Variants in LINGO2 observed in about 807,000 individuals in gnomAD.
LINGO2 encodes leucine rich repeat and Ig domain containing 2, also known as leucine-rich repeat and immunoglobulin-like domain-containing nogo receptor-interacting protein 2.
A neutral mutation model predicts 30.6 loss-of-function variants in LINGO2; 14 were observed. That is an observed-to-expected ratio of 0.46 (90% CI 0.30 to 0.72). LINGO2 has a LOEUF of 0.72. LINGO2 is among the 30% of genes least tolerant of loss of function. The probability of loss-of-function intolerance (pLI) is 0.07; values close to 1 mark genes in which losing one functional copy is unlikely to be tolerated. For synonymous variants in LINGO2, 317 were observed against 288.5 expected (o/e 1.10, Z -1.00); for missense variants, 729 against 751.7 (o/e 0.97, Z 0.35).
the LINGO2 span, among the ~76,000 whole-genome samples, chr9:29,143,518 T>C: frequency 1.2e-4 from 18 of 152,122 alleles, no homozygotes; most frequent in East Asian, 2.5e-3. Flanking sequence ...ACATATATAA[T>C]GAAATACTCT....
chr9:28,582,754 C>A (rs773444052), intron 1 of LINGO2, among the ~76,000 whole-genome samples: 2 of 152,056 alleles, frequency 1.3e-5, no homozygotes, highest in Non-Finnish European at 2.9e-5. Context: ...CTCTCCTTTA[C>A]AGTCAATGAA....
chr9:28,639,204 T>G (rs908823223), intron 1 of LINGO2, among the ~76,000 whole-genome samples: 5 of 152,178 alleles, frequency 3.3e-5, no homozygotes, highest in African/African-American at 9.7e-5. Context: ...ATAATTTCTG[T>G]TCTTTTACAT....
chr9:28,178,946 T>C (rs750679870), intron 4 of LINGO2, among the ~76,000 whole-genome samples: 11 of 152,124 alleles, frequency 7.2e-5, no homozygotes, highest in Non-Finnish European at 1.6e-4. Context: ...CATTGGGTTA[T>C]ATCAGGTTTC....
intron 1 of LINGO2, among the ~76,000 whole-genome samples, chr9:28,660,097 C>A (rs1181078128): frequency 1.3e-5 from 2 of 151,916 alleles, no homozygotes; most frequent in African/African-American, 2.4e-5. Context: ...TGTAATGGAA[C>A]AAAAATATAT....
the LINGO2 span, among the ~76,000 whole-genome samples, chr9:28,992,355 A>T: frequency 6.6e-6 from 1 of 152,080 alleles, no homozygotes; most frequent in African/African-American, 2.4e-5. Context: ...GGAGCACCCA[A>T]ATTCATAAAG....
chr9:28,157,424 C>T (rs568998447), intron 4 of LINGO2, among the ~76,000 whole-genome samples: 62 of 152,246 alleles, frequency 4.1e-4, no homozygotes, highest in African/African-American at 1.5e-3. Context: ...CTGGGCCTGG[C>T]CCACAAAACC....
intron 5 of LINGO2, among the ~76,000 whole-genome samples, chr9:27,952,338 A>G (rs1212441491): frequency 1.3e-5 from 2 of 151,978 alleles, no homozygotes; most frequent in Admixed American, 1.3e-4. Context: ...AATCAAAATA[A>G]CTAAAAGAGA....
chr9:28,321,949 AT>A (rs1364637503), intron 3 of LINGO2, among the ~76,000 whole-genome samples: 8 of 152,308 alleles, frequency 5.3e-5, no homozygotes, highest in African/African-American at 1.9e-4. Flanking sequence ...ATTTTGATGC[AT>A]ATTTTTATAC....
chr9:28,672,994 G>T (rs1829080038), upstream of LINGO2, among the ~76,000 whole-genome samples: 1 of 152,060 alleles, frequency 6.6e-6, no homozygotes, highest in Non-Finnish European at 1.5e-5. Flanking sequence ...AGTATTAAAA[G>T]GAGACTATTT....
At chr9:28,425,860 G>T (rs1344629238) in intron 2 of LINGO2, among the ~76,000 whole-genome samples, 1 of 151,960 alleles carries the variant, frequency 6.6e-6, no homozygotes, top group Non-Finnish European at 1.5e-5. Flanking sequence ...TTTCTTTTGA[G>T]TTTGACTATA....
the LINGO2 span, among the ~76,000 whole-genome samples, chr9:29,014,335 G>C: frequency 6.6e-6 from 1 of 152,104 alleles, no homozygotes; most frequent in Non-Finnish European, 1.5e-5. Context: ...ATGGGATCTG[G>C]CTAGATCAGA....
At chr9:28,643,096 T>C (rs1314777487) in intron 1 of LINGO2, among the ~76,000 whole-genome samples, 1 of 152,086 alleles carries the variant, frequency 6.6e-6, no homozygotes, top group African/African-American at 2.4e-5. Flanking sequence ...TCAATATTGA[T>C]AAAATCTCCA....
chr9:28,468,871 C>A (rs937387495), intron 2 of LINGO2, among the ~76,000 whole-genome samples: 2 of 151,980 alleles, frequency 1.3e-5, no homozygotes, highest in Non-Finnish European at 2.9e-5. Context: ...TTTAAATGAC[C>A]AAATTTCAAC....
At chr9:28,184,840 C>T (rs1819484579) in intron 4 of LINGO2, among the ~76,000 whole-genome samples, 1 of 152,144 alleles carries the variant, frequency 6.6e-6, no homozygotes, top group African/African-American at 2.4e-5. Flanking sequence ...AAAACATCTG[C>T]TGCTTTTTCT....
In LINGO2 at chr9:28,495,503, G is replaced by A. The variant is rs61087469; in HGVS notation, c.-364-19478C>T. 2.1e-3 allele frequency among the ~76,000 whole-genome samples: 312 copies of A among 152,072 alleles called. 2 individuals carry two copies. Among genetic ancestry groups the A allele is most frequent in the African/African-American group, 7.1e-3 (294 of 41,478 alleles). ...TTTCCCCATTTCTTGTTTTTGTCAG[G>A]TTTGTCAAAGATCAGATGGTTGTAG... On this transcript the variant is annotated intron_variant, in intron 1 of 5. Transcript: ENST00000379992.
the LINGO2 span, among the ~76,000 whole-genome samples, chr9:28,802,025 A>G: frequency 6.6e-6 from 1 of 151,860 alleles, no homozygotes; most frequent in Non-Finnish European, 1.5e-5. Flanking sequence ...TTATATTATA[A>G]CAAAAGTTAT....
At chr9:29,034,161 G>A in the LINGO2 span, among the ~76,000 whole-genome samples, 2 of 151,874 alleles carry the variant, frequency 1.3e-5, no homozygotes, top group Non-Finnish European at 2.9e-5. Context: ...ATGGATAAAT[G>A]AATGTATATA....
At chr9:28,277,358 T>A (rs1354034913) in intron 4 of LINGO2, among the ~76,000 whole-genome samples, 2 of 152,190 alleles carry the variant, frequency 1.3e-5, no homozygotes, top group Non-Finnish European at 2.9e-5. Flanking sequence ...GACTGCTCCA[T>A]TGACTAGCAG....
intron 2 of LINGO2, among the ~76,000 whole-genome samples, chr9:28,464,460 A>C (rs1825215910): frequency 6.6e-6 from 1 of 152,184 alleles, no homozygotes; most frequent in Admixed American, 6.5e-5. Context: ...CATGGCTGTC[A>C]TCCTCAATGA....
Sources: allele counts gnomAD v4.1 joint callset (sites outside exome capture counted in the v4.1 genomes callset), GRCh38; gene constraint gnomAD v4.1.1; transcripts MANE v1.5; gene names NCBI Gene and HGNC (gene_info 2026-07-23, HGNC 2026-07-21).